Variants in FBXO36 observed in about 807,000 individuals in gnomAD.
FBXO36 encodes F-box only protein 36.
In FBXO36, 18 loss-of-function variants were observed where a neutral mutation model predicts 17.0. The observed-to-expected ratio is 1.06, with a 90% CI of 0.73 to 1.57. The LOEUF (loss-of-function observed/expected upper bound fraction) is 1.57. Among genes scored for constraint, FBXO36 ranks in the 40% most tolerant of loss-of-function variants. The pLI is 0.00. For synonymous variants in FBXO36, 83 were observed against 85.3 expected (o/e 0.97, Z 0.15); for missense variants, 229 against 221.9 (o/e 1.03, Z -0.20).
intron 1 of FBXO36, among the ~76,000 whole-genome samples, chr2:229,954,542 CT>C (rs1176794800): frequency 0.096 from 7,572 of 78,624 alleles, 69 homozygotes; most frequent in Non-Finnish European, 0.11. Context: ...TGCACCCGGC[CT>C]TTTTTTTTTT....
rs1299302802 is a variant in FBXO36 at position 229,953,379 on chromosome 2, G to GA, written c.97-22853dup. Among the ~76,000 whole-genome samples the GA allele has an allele frequency of 5.3e-5, 8 of 150,840 alleles. No individual in the cohort carries two copies. In the Admixed American group the frequency reaches 5.3e-4, roughly 10 times the overall value. ...AGAAAAATAAAATAATATTCAGTTA[G>GA]AAAAAAAAATTTCTTGGCAGGTGTG... On this transcript the variant is annotated intron_variant, in intron 1 of 3. Coordinates refer to ENST00000283946, the MANE Select transcript of FBXO36 (RefSeq NM_174899.5).
intron 1 of FBXO36, among the ~76,000 whole-genome samples, chr2:229,974,307 C>G (rs2077196405): frequency 6.6e-6 from 1 of 152,084 alleles, no homozygotes; most frequent in Non-Finnish European, 1.5e-5. Flanking sequence ...TTTCCTTAAG[C>G]AAGTGTTATA....
At chr2:229,923,935 C>T (rs1410856688) in intron 1 of FBXO36, among the ~76,000 whole-genome samples, 1 of 147,116 alleles carries the variant, frequency 6.8e-6, no homozygotes, top group African/African-American at 2.5e-5. Context: ...TCACTGCGAC[C>T]TCGTTTCACC....
intron 1 of FBXO36, among the ~76,000 whole-genome samples, chr2:229,933,790 A>G (rs147973238): frequency 0.032 from 4,856 of 152,050 alleles, 266 homozygotes; most frequent in African/African-American, 0.11. Context: ...GGTTCAAACA[A>G]TTCTCCTGCC....
chr2:230,009,297 TG>T (rs929008151), intron 3 of FBXO36, among the ~76,000 whole-genome samples: 3 of 152,130 alleles, frequency 2.0e-5, no homozygotes, highest in Admixed American at 1.3e-4. Flanking sequence ...TGCTCCATTA[TG>T]AGGGGACAGC....
intron 2 of FBXO36, among the ~76,000 whole-genome samples, chr2:229,993,867 C>G (rs943546880): frequency 2.0e-5 from 3 of 151,962 alleles, no homozygotes; most frequent in Non-Finnish European, 4.4e-5. Context: ...GCCATTCTCC[C>G]GCCTCAGCCT....
intron 1 of FBXO36, among the ~76,000 whole-genome samples, chr2:229,926,056 C>T (rs1286565479): frequency 6.7e-6 from 1 of 148,554 alleles, no homozygotes; most frequent in African/African-American, 2.5e-5. Flanking sequence ...TTGGGAGGCT[C>T]AGGTGGGAGG....
chr2:229,956,447 G>T (rs757349060), intron 1 of FBXO36, among the ~76,000 whole-genome samples: 1 of 152,178 alleles, frequency 6.6e-6, no homozygotes, highest in Non-Finnish European at 1.5e-5. Context: ...GAAAATATCC[G>T]CAAAGCAGTG....
At position 229,976,223 on chromosome 2, in the gene FBXO36, C is replaced by CT. The variant is rs771702562; in HGVS notation, c.97-15dup. The CT allele has an allele frequency of 5.1e-6, 8 of 1,554,698 alleles. No homozygotes were observed. Among genetic ancestry groups the CT allele is most frequent in the Non-Finnish European group, 7.0e-6 (8 of 1,144,266 alleles). On this transcript the variant is annotated splice_polypyrimidine_tract_variant and intron_variant, in intron 1 of 3. Coordinates refer to ENST00000283946, the MANE Select transcript of FBXO36 (RefSeq NM_174899.5). ...TTGAAATCAATTTTAATTCATATCA[C>CT]TTTGTATTTAATTATAGGTAATCTT...
At chr2:229,946,644 T>C (rs550373597) in intron 1 of FBXO36, among the ~76,000 whole-genome samples, 14 of 152,284 alleles carry the variant, frequency 9.2e-5, no homozygotes, top group Admixed American at 9.2e-4. Flanking sequence ...TCTTAGCATC[T>C]CTTAAAGACT....
chr2:229,984,087 C>A (rs1276128338), intron 2 of FBXO36, among the ~76,000 whole-genome samples: 1 of 152,150 alleles, frequency 6.6e-6, no homozygotes, highest in Non-Finnish European at 1.5e-5. Flanking sequence ...CGGTGGCTCA[C>A]GCCTGTAATC....
intron 3 of FBXO36, among the ~76,000 whole-genome samples, chr2:230,000,940 C>T (rs1246895854): frequency 4.0e-5 from 6 of 149,900 alleles, no homozygotes; most frequent in Non-Finnish European, 8.9e-5. Context: ...ATGCAACCTC[C>T]ACCTCCTGGG....
intron 3 of FBXO36, among the ~76,000 whole-genome samples, chr2:230,008,445 T>A (rs1307849260): frequency 1.3e-5 from 2 of 152,202 alleles, no homozygotes; most frequent in African/African-American, 4.8e-5. Context: ...TGGCAACTAC[T>A]AAGCAAAAGA....
intron 2 of FBXO36, among the ~76,000 whole-genome samples, chr2:229,989,177 C>T (rs897003675): frequency 5.3e-5 from 8 of 152,140 alleles, no homozygotes; most frequent in Non-Finnish European, 1.0e-4. Context: ...TCTTGACTTT[C>T]GTCAACTTTT....
At chr2:229,923,893 G>A (rs187482106) in intron 1 of FBXO36, among the ~76,000 whole-genome samples, 5,110 of 118,790 alleles carry the variant, frequency 0.043, 355 homozygotes, top group African/African-American at 0.15. Context: ...TCGCTCTGTC[G>A]CCAGGCTGGA....
intron 1 of FBXO36, among the ~76,000 whole-genome samples, chr2:229,940,723 C>CA (rs1487112859): frequency 6.6e-6 from 1 of 152,066 alleles, no homozygotes; most frequent in Admixed American, 6.6e-5. Flanking sequence ...CAAAAATTGC[C>CA]AAAGATTTTC....
At chr2:229,938,754 C>A (rs1302243926) in intron 1 of FBXO36, among the ~76,000 whole-genome samples, 8 of 105,242 alleles carry the variant, frequency 7.6e-5, no homozygotes, top group Non-Finnish European at 1.2e-4. Context: ...CCCCAAAAAA[C>A]CTTTTTTTTT....
intron 1 of FBXO36, among the ~76,000 whole-genome samples, chr2:229,966,776 T>C (rs545856982): frequency 1.3e-5 from 2 of 152,326 alleles, no homozygotes; most frequent in Admixed American, 6.5e-5. Context: ...CTGTTTTGGT[T>C]ACTGTAGCCT....
chr2:229,925,468 AAT>A (rs1269768552), intron 1 of FBXO36, among the ~76,000 whole-genome samples: 2 of 152,228 alleles, frequency 1.3e-5, no homozygotes, highest in Non-Finnish European at 2.9e-5. Flanking sequence ...CTAGCATTAA[AAT>A]ATGTTTTATA....
Sources: gnomAD v4.1 joint callset for allele counts (sites outside exome capture counted in the v4.1 genomes callset) on GRCh38, gnomAD v4.1.1 for gene constraint, MANE v1.5 for transcripts, NCBI Gene and HGNC (gene_info 2026-07-23, HGNC 2026-07-21) for gene names.